The following PAIP2 variants were observed in gnomAD, a reference collection of about 807,000 sequenced individuals.
PAIP2 encodes the protein polyadenylate-binding protein-interacting protein 2.
PAIP2 carries 7 observed loss-of-function variants against 14.8 expected under a neutral mutation model. The observed-to-expected ratio is 0.47, with a 90% CI of 0.27 to 0.89. PAIP2 has a LOEUF of 0.89. Ranked by LOEUF, PAIP2 falls within the 40% of genes least tolerant of loss-of-function variation. The pLI, the probability that PAIP2 is intolerant of heterozygous loss-of-function variation, is 0.13. For missense variants in PAIP2, 122 were observed against 154.7 expected (o/e 0.79, Z 1.12); for synonymous variants, 47 against 45.3 (o/e 1.04, Z -0.15).
intron 1 of PAIP2, among the ~76,000 whole-genome samples, chr5:139,345,626 ATTTTTT>A (rs34133705): frequency 7.2e-6 from 1 of 138,964 alleles, no homozygotes; most frequent in African/African-American, 2.6e-5. Context: ...CTATGCTTGA[ATTTTTT>A]TTTTTTTTTT....
intron 1 of PAIP2, among the ~76,000 whole-genome samples, chr5:139,357,342 C>G (rs1756945433): frequency 6.6e-6 from 1 of 152,196 alleles, no homozygotes; most frequent in Non-Finnish European, 1.5e-5. Flanking sequence ...CTCTTACTCT[C>G]AAAGCATCTC....
At chr5:139,347,268 CTTT>C (rs34018719) in intron 1 of PAIP2, among the ~76,000 whole-genome samples, 3 of 105,884 alleles carry the variant, frequency 2.8e-5, no homozygotes, top group Admixed American at 1.2e-4. Context: ...CATGTTACAA[CTTT>C]TTTTTTTTTT....
intron 1 of PAIP2, among the ~76,000 whole-genome samples, chr5:139,351,336 A>G (rs535772884): frequency 6.6e-6 from 1 of 152,138 alleles, no homozygotes; most frequent in Non-Finnish European, 1.5e-5. Flanking sequence ...AAGAGTGATC[A>G]TAGCAAGATT....
chr5:139,357,838 T>A (rs753254126), intron 1 of PAIP2, among the ~76,000 whole-genome samples: 1 of 152,038 alleles, frequency 6.6e-6, no homozygotes, highest in Non-Finnish European at 1.5e-5. Flanking sequence ...CTCAAAAAAA[T>A]AAAAATAATA....
Position 139,355,984 on chromosome 5 carries a change from A to G in PAIP2, c.-26-7775A>G, listed in dbSNP as rs566028374. On this transcript the variant is annotated intron_variant, in intron 1 of 3. Transcript: ENST00000265192. ...AAACCCTGTCTCTACTAAAAGCTGCAAAAATTAGCCAGACATGGTGTTGGG... is the reference window on the plus strand; with the variant it reads ...AAACCCTGTCTCTACTAAAAGCTGCGAAAATTAGCCAGACATGGTGTTGGG... 3.3e-5 allele frequency among the ~76,000 whole-genome samples: 5 copies of G among 152,076 alleles called. No homozygotes were observed. In the East Asian group the frequency reaches 9.6e-4, roughly 29 times the overall value.
Position 139,362,975 on chromosome 5 carries a change from G to A in PAIP2, c.-26-784G>A, listed in dbSNP as rs960084619. Reference sequence around the variant, plus strand: ...ATTAGATGTGGCCGGGCGTGGTGGCGCACACCTATAATCTCAGCACTTTGG... The same window carrying A: ...ATTAGATGTGGCCGGGCGTGGTGGCACACACCTATAATCTCAGCACTTTGG... On this transcript the variant is annotated intron_variant, in intron 1 of 3. Coordinates refer to ENST00000265192, the MANE Select transcript of PAIP2 (RefSeq NM_016480.5). Among the ~76,000 whole-genome samples, 18 of 152,026 alleles carry A rather than the reference G, an allele frequency of 1.2e-4. 1 individual carries two copies. The South Asian group carries it at 2.1e-3, about 18-fold the overall frequency.
intron 3 of PAIP2, among the ~76,000 whole-genome samples, chr5:139,365,299 A>T (rs1658573946): frequency 1.3e-5 from 2 of 152,120 alleles, no homozygotes; most frequent in South Asian, 2.1e-4. Flanking sequence ...CAGCCTGGCC[A>T]ACGTGGTGAA....
At chr5:139,361,724 CAT>C (rs1757071530) in intron 1 of PAIP2, among the ~76,000 whole-genome samples, 1 of 151,992 alleles carries the variant, frequency 6.6e-6, no homozygotes, top group Non-Finnish European at 1.5e-5. Flanking sequence ...ACAGGTGGAT[CAT>C]TTGAGGTCTT....
intron 1 of PAIP2, among the ~76,000 whole-genome samples, chr5:139,358,278 C>T (rs951918523): frequency 3.9e-5 from 6 of 152,168 alleles, no homozygotes; most frequent in African/African-American, 1.4e-4. Context: ...ATCCACAGGA[C>T]TTGTGAGTAT....
At chr5:139,353,458 C>G (rs1006807973) in intron 1 of PAIP2, among the ~76,000 whole-genome samples, 14 of 152,010 alleles carry the variant, frequency 9.2e-5, no homozygotes, top group African/African-American at 3.1e-4. Context: ...CACATTTTTA[C>G]TGTGTATTAT....
At chr5:139,348,355 ATTTT>A (rs1223212420) in intron 1 of PAIP2, among the ~76,000 whole-genome samples, 3 of 136,102 alleles carry the variant, frequency 2.2e-5, no homozygotes, top group South Asian at 4.7e-4. Flanking sequence ...AGCCTGGCTA[ATTTT>A]TTTTTTTTTT....
chr5:139,349,371 C>T (rs548266854), intron 1 of PAIP2, among the ~76,000 whole-genome samples: 21 of 152,248 alleles, frequency 1.4e-4, no homozygotes, highest in African/African-American at 4.8e-4. Flanking sequence ...GCCTCAGCTT[C>T]CTGACTAGCT....
At chr5:139,364,400 T>C (rs552419340) in intron 2 of PAIP2, among the ~76,000 whole-genome samples, 164 bp from the exon 3 acceptor site, 1 of 152,268 alleles carries the variant, frequency 6.6e-6, no homozygotes, top group Admixed American at 6.5e-5. Flanking sequence ...CCTAAACAGA[T>C]AGATCTTCGC....
intron 1 of PAIP2, among the ~76,000 whole-genome samples, chr5:139,363,368 C>T (rs558543606): frequency 6.6e-6 from 1 of 152,060 alleles, no homozygotes; most frequent in Non-Finnish European, 1.5e-5. Flanking sequence ...TTTAATGTAT[C>T]ATCTGCCTCT....
At chr5:139,365,949 C>G (rs1215816291) in intron 3 of PAIP2, among the ~76,000 whole-genome samples, 1 of 152,128 alleles carries the variant, frequency 6.6e-6, no homozygotes, top group African/African-American at 2.4e-5. Context: ...TGCCTGTAAT[C>G]CCAACACTTT....
At chr5:139,352,764 C>T (rs1487017879) in intron 1 of PAIP2, among the ~76,000 whole-genome samples, 17 of 151,752 alleles carry the variant, frequency 1.1e-4, no homozygotes, top group Admixed American at 9.2e-4. Flanking sequence ...AGCCACCACG[C>T]CCAGCCTACC....
intron 1 of PAIP2, among the ~76,000 whole-genome samples, chr5:139,348,695 A>G (rs906258779): frequency 1.1e-4 from 14 of 127,710 alleles, no homozygotes; most frequent in African/African-American, 2.2e-4. Flanking sequence ...TTTTTTTTTT[A>G]AAGTCAGAGT....
At chr5:139,359,564 A>G (rs1240934168) in intron 1 of PAIP2, among the ~76,000 whole-genome samples, 1 of 152,202 alleles carries the variant, frequency 6.6e-6, no homozygotes, top group African/African-American at 2.4e-5. Context: ...AGATTAACCA[A>G]AGTTCCATCC....
At chr5:139,350,176 A>C (rs1756683491) in intron 1 of PAIP2, among the ~76,000 whole-genome samples, 2 of 139,488 alleles carry the variant, frequency 1.4e-5, no homozygotes, top group African/African-American at 2.7e-5. Context: ...ACTCTGTCTC[A>C]AAAAAAAAAA....
Sources: gnomAD v4.1 joint callset for allele counts (sites outside exome capture counted in the v4.1 genomes callset) on GRCh38, gnomAD v4.1.1 for gene constraint, MANE v1.5 for transcripts, NCBI Gene and HGNC (gene_info 2026-07-23, HGNC 2026-07-21) for gene names.